Variants in SLC6A7 observed in about 807,000 individuals in gnomAD.
The protein encoded by SLC6A7 is solute carrier family 6 member 7.
Under a neutral mutation model 73.1 loss-of-function variants are expected in SLC6A7, and 58 were observed. The observed-to-expected ratio is 0.79, with a 90% confidence interval of 0.64 to 0.99. SLC6A7 has a LOEUF of 0.99. Among genes scored for constraint, SLC6A7 ranks in the 50% least tolerant of loss-of-function variants. SLC6A7 has a pLI of 0.00. For missense variants in SLC6A7, 783 were observed against 831.4 expected (o/e 0.94, Z 0.72); for synonymous variants, 338 against 338.7 (o/e 1.00, Z 0.02).
intron 11 of SLC6A7, 38 bp from the exon 12 acceptor site, chr5:150,204,789 G>A (rs375511135): frequency 2.6e-5 from 38 of 1,467,184 alleles, no homozygotes; most frequent in Admixed American, 3.4e-5. Context: ...TTGTGGGGCC[G>A]GCGGGTGGGG....
In SLC6A7 at chr5:150,210,819, C is replaced by G. The variant is rs1562110924; in HGVS notation, c.*1204C>G. 6.6e-6 allele frequency: 1 copy of G among 152,550 alleles called. No homozygotes were observed. Among genetic ancestry groups the G allele is most frequent in the Admixed American group, 6.5e-5 (1 of 15,288 alleles). 9.4% of individuals were successfully genotyped at this position (152,550 alleles called of 1,614,324 possible). A position where few individuals can be genotyped will look rare whatever the true frequency, so the allele number is the denominator to read the frequency against. On this transcript the variant is annotated 3_prime_UTR_variant, in exon 14 of 14. Transcript: ENST00000230671. ...CCCACCTTGTTCCAGGACATGGGCC[C>G]GGGCCCGGTGTGGGGGTAGACGCAG... is the stretch of plus-strand genomic sequence containing the variant.
chr5:150,203,820 GGTGTGTGTGTGTGTGTGT>G (rs35380195), intron 9 of SLC6A7, 41 bp downstream of exon 9: 22 of 802,506 alleles, frequency 2.7e-5, no homozygotes, highest in Admixed American at 2.2e-4. Context: ...GTGTGTGTGT[GGTGTGTGTGTGTGTGTGT>G]GTGTGTGTGT....
rs892788545 is a variant in SLC6A7 at position 150,209,979 on chromosome 5, C to T, written c.*364C>T. 54 of 305,740 alleles carry T rather than the reference C, an allele frequency of 1.8e-4. No individual in the cohort carries two copies. Among genetic ancestry groups the T allele is most frequent in the African/African-American group, 9.2e-4 (43 of 46,846 alleles). 18.9% of individuals were successfully genotyped at this position (305,740 alleles called of 1,614,324 possible). On this transcript the variant is annotated 3_prime_UTR_variant, in exon 14 of 14. Transcript: ENST00000230671. The stretch of plus-strand genomic sequence containing the variant: ...CCAGCTCCCTTTCCCATGGGGCAGC[C>T]GGCACCACCTTCTCATCTCTATTCA...
Position 150,190,185 on chromosome 5 carries a change from A to G in SLC6A7, c.-143A>G. ...CCCGCGCTCCACGCCCGCAGCCGCC[A>G]GACGGCAGCGCCTGCGTCCGTGCCC... On this transcript the variant is annotated 5_prime_UTR_variant, in exon 1 of 14. Transcript: ENST00000230671. 1.7e-6 allele frequency: 1 copy of G among 605,344 alleles called. No individual in the cohort carries two copies. Among genetic ancestry groups the G allele is most frequent in the Non-Finnish European group, 2.7e-6 (1 of 374,330 alleles). The allele number at this position is 605,344 out of a possible 1,614,324, so 37.5% of individuals were successfully genotyped here.
rs534755112 is a variant in SLC6A7 at position 150,201,097 on chromosome 5, T to C, written c.732T>C (p.Tyr244=). 2.5e-6 allele frequency: 4 copies of C among 1,613,720 alleles called. No homozygotes were observed. In the African/African-American group the frequency reaches 5.3e-5, roughly 22 times the overall value. Residue 244 remains tyrosine, a synonymous_variant, in exon 6 of 14, where the codon TAT becomes TAC. Coordinates refer to ENST00000230671, the MANE Select transcript of SLC6A7 (RefSeq NM_014228.5). ...CACTTATCATCTCTCAGGTGGTGTA[T>C]TTCACGGCCACGTTCCCCTACCTCA... ...KGVKSSGKVV[Y]FTATFPYLIL...
At position 150,201,081 on chromosome 5, in the gene SLC6A7, T is replaced by C. The variant is rs768235957; in HGVS notation, c.724-8T>C. On this transcript the variant is annotated splice_polypyrimidine_tract_variant and splice_region_variant and intron_variant, in intron 5 of 13. Transcript: ENST00000230671. Reference sequence around the variant, plus strand: ...GATGCCATCAGCTCCTCACTTATCATCTCTCAGGTGGTGTATTTCACGGCC... The same window carrying C: ...GATGCCATCAGCTCCTCACTTATCACCTCTCAGGTGGTGTATTTCACGGCC... 2.5e-6 allele frequency: 4 copies of C among 1,613,272 alleles called. No homozygotes were observed. The highest frequency in any genetic ancestry group is 1.7e-5 in the Admixed American group (1 of 59,970).
rs759511938 is a variant in SLC6A7, at chr5:150,197,043, C to A, written c.351C>A (p.Gly117=). 1.9e-6 allele frequency: 3 copies of A among 1,613,108 alleles called. No individual in the cohort carries two copies. The highest frequency in any genetic ancestry group is 2.5e-6 in the Non-Finnish European group (3 of 1,179,374). ...CCCAGCAGCCTCTCCCCACACCAGG[C>A]GCCGGCGCAGCCATGCTGCTCATCG... The part of the protein sequence containing the change: ...AVWKISPLFK[G]AGAAMLLIVG... Residue 117 remains glycine (G), a splice_region_variant and synonymous_variant, in exon 4 of 14, where the codon GGC becomes GGA. Coordinates refer to ENST00000230671, the MANE Select transcript of SLC6A7 (RefSeq NM_014228.5).
At position 150,205,600 on chromosome 5, in the gene SLC6A7, C is replaced by T. The variant is rs775891352; in HGVS notation, c.1678C>T (p.Arg560Ter). 6.2e-6 allele frequency: 10 copies of T among 1,611,868 alleles called. No individual in the cohort carries two copies. Among genetic ancestry groups the T allele is most frequent in the South Asian group, 2.2e-5 (2 of 90,744 alleles). ...IPAGMLVAVL[R>*]EEGSLWERLQ... ...AGCTGGCATGCTGGTGGCTGTGCTTCGAGAAGAGGGCTCACTCTGGGAGGT... is the reference window on the plus strand; with the variant it reads ...AGCTGGCATGCTGGTGGCTGTGCTTTGAGAAGAGGGCTCACTCTGGGAGGT... The change falls in exon 13 of 14, where the codon CGA becomes TGA. Residue 560 changes from arginine (R) to a stop codon, truncating the protein, a stop_gained. Coordinates refer to ENST00000230671, the MANE Select transcript of SLC6A7 (RefSeq NM_014228.5). LOFTEE classifies it high-confidence loss of function.
At chr5:150,199,624 C>A (rs1434409429) in intron 5 of SLC6A7, among the ~76,000 whole-genome samples, 1 of 152,194 alleles carries the variant, frequency 6.6e-6, no homozygotes, top group Non-Finnish European at 1.5e-5. Flanking sequence ...TGACCCAGTG[C>A]TTGGCACTTT....
At chr5:150,199,150 G>C in intron 4 of SLC6A7, 78 bp from the exon 5 acceptor site, 1 of 1,485,922 alleles carries the variant, frequency 6.7e-7, no homozygotes, top group South Asian at 1.4e-5. Context: ...GAGCCTTGTG[G>C]GCTGGACATG....
At chr5:150,201,315 C>G (rs750205436) in intron 6 of SLC6A7, 92 bp downstream of exon 6, 9 of 828,202 alleles carry the variant, frequency 1.1e-5, no homozygotes, top group Non-Finnish European at 1.6e-5. Flanking sequence ...GTACCAGGCA[C>G]TCTGCTCAGC....
chr5:150,210,068 T>C lies in SLC6A7; in HGVS notation c.*453T>C. On this transcript the variant is annotated 3_prime_UTR_variant, in exon 14 of 14. Transcript: ENST00000230671. Reference sequence around the variant, plus strand: ...CACACACCTTAGCACAACCAGAATCTTGAGTTGGGCAGGGAAGGTCAGGGC... The same window carrying C: ...CACACACCTTAGCACAACCAGAATCCTGAGTTGGGCAGGGAAGGTCAGGGC... The C allele has an allele frequency of 5.4e-6, 1 of 185,396 alleles. No homozygotes were observed. The highest frequency in any genetic ancestry group is 1.2e-4 in the South Asian group (1 of 8,148). The allele number at this position is 185,396 out of a possible 1,614,324, so 11.5% of individuals were successfully genotyped here. A position where few individuals can be genotyped will look rare whatever the true frequency, so the allele number is the denominator to read the frequency against.
intron 1 of SLC6A7, among the ~76,000 whole-genome samples, chr5:150,191,623 G>A (rs1185383625): frequency 1.3e-5 from 2 of 152,042 alleles, no homozygotes; most frequent in African/African-American, 2.4e-5. Flanking sequence ...GTAGAGACGG[G>A]GTTTCACCGT....
intron 13 of SLC6A7, among the ~76,000 whole-genome samples, chr5:150,206,634 C>T (rs1326082516): frequency 6.6e-6 from 1 of 152,244 alleles, no homozygotes; most frequent in African/African-American, 2.4e-5. Flanking sequence ...CCTCCCCCAT[C>T]CTGCTGCCAG....
At chr5:150,192,620 GC>G (rs1752836733) in intron 1 of SLC6A7, among the ~76,000 whole-genome samples, 1 of 152,210 alleles carries the variant, frequency 6.6e-6, no homozygotes, top group Admixed American at 6.5e-5. Context: ...GATTGGCTCA[GC>G]TTTGGAGGAC....
At chr5:150,192,213 T>G (rs1270642301) in intron 1 of SLC6A7, among the ~76,000 whole-genome samples, 5 of 152,176 alleles carry the variant, frequency 3.3e-5, no homozygotes, top group Admixed American at 3.3e-4. Flanking sequence ...TTTAACTTGC[T>G]GTTTGACCTT....
rs549102840 is a variant in SLC6A7 at position 150,196,634 on chromosome 5, G to A, written c.218-82G>A. 9.2e-6 allele frequency: 13 copies of A among 1,408,256 alleles called. No homozygotes were observed. The African/African-American group carries it at 1.8e-4, about 20-fold the overall frequency. 87.2% of individuals were successfully genotyped at this position (1,408,256 alleles called of 1,614,324 possible). ...CATCAGGTCTGAGGGGGCATCTGCA[G>A]GCCAGGGGAGGGGCGGGGCTAGAGC... is the stretch of plus-strand genomic sequence containing the variant. On this transcript the variant is annotated intron_variant, in intron 2 of 13. Coordinates refer to ENST00000230671, the MANE Select transcript of SLC6A7 (RefSeq NM_014228.5).
At chr5:150,203,135 G>A (rs888141719) in intron 8 of SLC6A7, among the ~76,000 whole-genome samples, 5 of 151,904 alleles carry the variant, frequency 3.3e-5, no homozygotes, top group Admixed American at 2.0e-4. Flanking sequence ...ACACATGTAC[G>A]TGCAAAGGAA....
Position 150,190,337 on chromosome 5 carries a change from C to T in SLC6A7, c.10C>T (p.Leu4Phe), listed in dbSNP as rs1172900300. The T allele has an allele frequency of 2.8e-5, 42 of 1,510,168 alleles. No individual in the cohort carries two copies. The highest frequency in any genetic ancestry group is 3.7e-5 in the Non-Finnish European group (42 of 1,130,432). 93.5% of individuals were successfully genotyped at this position (1,510,168 alleles called of 1,614,324 possible). A position where few individuals can be genotyped will look rare whatever the true frequency, so the allele number is the denominator to read the frequency against. Residue 4 changes from leucine (L) to phenylalanine (F), a missense_variant, in exon 1 of 14, where the codon CTC (leucine) becomes TTC (phenylalanine). By Grantham distance (22) the Leu-to-Phe change is conservative (BLOSUM62 0). Coordinates refer to ENST00000230671, the MANE Select transcript of SLC6A7 (RefSeq NM_014228.5). ...CCACCCGCTCTCCAAGATGAAGAAG[C>T]TCCAGGGAGCTCACCTCCGCAAGGT... MKK[L>F]QGAHLRKPVT...
Sources: allele counts gnomAD v4.1 joint callset (sites outside exome capture counted in the v4.1 genomes callset), GRCh38; gene constraint gnomAD v4.1.1; transcripts MANE v1.5; gene names NCBI Gene and HGNC (gene_info 2026-07-23, HGNC 2026-07-21).